PPME1: variants seen among roughly 807,000 people sequenced by gnomAD.
PPME1 encodes the protein protein phosphatase methylesterase 1.
A neutral mutation model predicts 56.9 loss-of-function variants in PPME1; 17 were observed. The ratio of observed to expected loss-of-function variants is 0.30; its 90% CI spans 0.20 to 0.45. The LOEUF is 0.45. Ranked by LOEUF, PPME1 falls within the 20% of genes least tolerant of loss-of-function variation. PPME1 has a pLI of 1.00. For synonymous variants in PPME1, 122 were observed against 156.2 expected, an observed-to-expected ratio of 0.78 and a Z score of 1.63; for missense variants, 357 against 483.2, an observed-to-expected ratio of 0.74 and a Z score of 2.45.
chr11:74,254,487 C>T lies in PPME1; in HGVS notation c.*977C>T, dbSNP rs888159147. 6.5e-6 allele frequency: 1 copy of T among 152,950 alleles called. No individual in the cohort carries two copies. Among genetic ancestry groups the T allele is most frequent in the African/African-American group, 2.4e-5 (1 of 41,444 alleles). 9.5% of individuals were successfully genotyped at this position (152,950 alleles called of 1,614,324 possible). Reference sequence around the variant, plus strand: ...GCCTCGACACAGCACTGTGGCCTGTCCCTATTGCCCAGGCACGCCATTTCC... The same window carrying T: ...GCCTCGACACAGCACTGTGGCCTGTTCCTATTGCCCAGGCACGCCATTTCC... On this transcript the variant is annotated 3_prime_UTR_variant, in exon 14 of 14. Coordinates refer to ENST00000328257, the MANE Select transcript of PPME1 (RefSeq NM_016147.3).
chr11:74,240,883 C>T (rs186952303), intron 9 of PPME1, among the ~76,000 whole-genome samples: 1 of 152,316 alleles, frequency 6.6e-6, no homozygotes, highest in Non-Finnish European at 1.5e-5. Context: ...CTGAATGCTT[C>T]ACATTTATCA....
At chr11:74,215,695 A>G (rs907594562) in intron 3 of PPME1, among the ~76,000 whole-genome samples, 37 of 152,220 alleles carry the variant, frequency 2.4e-4, no homozygotes, top group Non-Finnish European at 3.5e-4. Flanking sequence ...AAACTCGCCA[A>G]TCAAAAGACG....
At chr11:74,183,213 A>G (rs1448769025) in intron 1 of PPME1, among the ~76,000 whole-genome samples, 1 of 152,214 alleles carries the variant, frequency 6.6e-6, no homozygotes, top group Middle Eastern at 3.4e-3. Flanking sequence ...GGGAGGATGA[A>G]TTGAGCCCAG....
At chr11:74,209,787 A>C (rs1858425811) in intron 3 of PPME1, among the ~76,000 whole-genome samples, 1 of 152,232 alleles carries the variant, frequency 6.6e-6, no homozygotes, top group Non-Finnish European at 1.5e-5. Flanking sequence ...CTACCATGTA[A>C]AAAACTACTT....
intron 5 of PPME1, among the ~76,000 whole-genome samples, chr11:74,226,233 A>G (rs1858929127): frequency 6.6e-6 from 1 of 152,216 alleles, no homozygotes; most frequent in Admixed American, 6.5e-5. Context: ...TTGTGTAATC[A>G]TTTATTGAAA....
At chr11:74,235,867 A>G (rs1335045245) in intron 7 of PPME1, 34 bp from the exon 8 acceptor site, 14 of 1,590,432 alleles carry the variant, frequency 8.8e-6, no homozygotes, top group Non-Finnish European at 1.2e-5. Context: ...TAGATACTGA[A>G]TAACCTTCTC....
At position 74,231,001 on chromosome 11, in the gene PPME1, A is replaced by T; in HGVS notation, c.643A>T (p.Ser215Cys). 1 of 1,586,806 alleles carries T rather than the reference A, an allele frequency of 6.3e-7. No individual in the cohort carries two copies. Among genetic ancestry groups the T allele is most frequent in the Non-Finnish European group, 8.6e-7 (1 of 1,163,246 alleles). Residue 215 changes from serine (S) to cysteine (C), a missense_variant and splice_region_variant, in exon 7 of 14, where the codon AGT (serine) becomes TGT (cysteine). Ser to Cys is a moderately radical substitution (Grantham distance 112). This residue lies in a region of PPME1 where 182 missense variants were observed against 293.8 expected (regional missense o/e 0.62). Transcript: ENST00000328257. ...FKSLENAIEW[S>C]VKSGQIRNLE... ...GTCTCTGGAGAATGCTATTGAATGG[A>T]GGTAACCAACAAATCTTTGTCGCCT...
chr11:74,206,515 T>C (rs756202225), intron 3 of PPME1, among the ~76,000 whole-genome samples: 3 of 152,018 alleles, frequency 2.0e-5, no homozygotes, highest in Non-Finnish European at 4.4e-5. Context: ...CTGAAAGGGG[T>C]TTGCCTGAAG....
chr11:74,184,251 A>T (rs1343996749), intron 1 of PPME1, among the ~76,000 whole-genome samples: 1 of 152,242 alleles, frequency 6.6e-6, no homozygotes, highest in Non-Finnish European at 1.5e-5. Context: ...TGTTCATTAT[A>T]TATAAAAACC....
rs373246457 is a variant in PPME1 at position 74,206,402 on chromosome 11, C to T, written c.288+1957C>T. Among the ~76,000 whole-genome samples, 18 of 152,206 alleles carry T rather than the reference C, an allele frequency of 1.2e-4. No individual in the cohort carries two copies. In the East Asian group the frequency reaches 1.5e-3, roughly 13 times the overall value. ...TATTTTCAAGGAAAAAGGTCATATT[C>T]ACTTCTGGATCTGACAAGTTTGGCA... On this transcript the variant is annotated intron_variant, in intron 3 of 13. Transcript: ENST00000328257.
chr11:74,204,534 A>G (rs548485036), intron 3 of PPME1, 89 bp downstream of exon 3: 30 of 1,144,806 alleles, frequency 2.6e-5, no homozygotes, highest in African/African-American at 7.7e-5. Context: ...AACACATTCT[A>G]TTTGGGAAGC....
intron 5 of PPME1, among the ~76,000 whole-genome samples, chr11:74,226,111 C>G (rs975800834): frequency 6.6e-6 from 1 of 152,204 alleles, no homozygotes; most frequent in Middle Eastern, 3.4e-3. Context: ...CACTGTCTAC[C>G]TGGAGATAAT....
At chr11:74,236,566 G>A (rs1859195655) in intron 8 of PPME1, among the ~76,000 whole-genome samples, 1 of 152,180 alleles carries the variant, frequency 6.6e-6, no homozygotes, top group South Asian at 2.1e-4. Context: ...GCCAGGCACT[G>A]TGCAAGGTAT....
intron 11 of PPME1, chr11:74,249,767 C>T (rs898850803): frequency 1.3e-5 from 2 of 152,192 alleles, no homozygotes. Flanking sequence ...TGTAAACTTA[C>T]TTGAAACTTA....
At chr11:74,249,338 A>C (rs2135681908) in intron 11 of PPME1, 1 of 152,362 alleles carries the variant, frequency 6.6e-6, no homozygotes, top group South Asian at 2.1e-4. Context: ...TAAATAATTT[A>C]GGCTCTCTGA....
chr11:74,250,979 C>T lies in PPME1; in HGVS notation c.1035C>T (p.Pro345=). ...GGAAGTTCCAGATGCAGGTCCTACCCCAGTGTGGCCATGCAGTCCATGAGG... is the reference window on the plus strand; with the variant it reads ...GGAAGTTCCAGATGCAGGTCCTACCTCAGTGTGGCCATGCAGTCCATGAGG... ...MQGKFQMQVL[P]QCGHAVHEDA... is the part of the protein sequence containing the mutation. The change falls in exon 12 of 14, where the codon CCC becomes CCT. Residue 345 remains proline (P), a synonymous_variant. Transcript: ENST00000328257. 6.2e-7 allele frequency: 1 copy of T among 1,602,080 alleles called. No homozygotes were observed. Among genetic ancestry groups the T allele is most frequent in the Non-Finnish European group, 8.5e-7 (1 of 1,174,284 alleles).
chr11:74,239,601 G>C (rs976415206), intron 9 of PPME1, among the ~76,000 whole-genome samples: 1 of 132,956 alleles, frequency 7.5e-6, no homozygotes, highest in Non-Finnish European at 1.5e-5. Context: ...TTTTGAGACA[G>C]AGTCTTGCTC....
chr11:74,213,318 A>G (rs1858530825), intron 3 of PPME1, among the ~76,000 whole-genome samples: 2 of 152,126 alleles, frequency 1.3e-5, no homozygotes, highest in Admixed American at 1.3e-4. Context: ...GCTGCAGTAT[A>G]GTAGAGCACC....
At chr11:74,222,274 C>A (rs1450806015) in intron 3 of PPME1, 38 bp from the exon 4 acceptor site, 3 of 1,496,038 alleles carry the variant, frequency 2.0e-6, no homozygotes, top group South Asian at 2.3e-5. Flanking sequence ...AATTTGTTAT[C>A]CTAGATGTGT....
Sources: allele counts gnomAD v4.1 joint callset (sites outside exome capture counted in the v4.1 genomes callset), GRCh38; gene constraint gnomAD v4.1.1; regional missense constraint gnomAD v4.1.1; transcripts MANE v1.5; gene names NCBI Gene and HGNC (gene_info 2026-07-23, HGNC 2026-07-21).